The following PCDH15 variants were observed in gnomAD, a reference collection of about 807,000 sequenced individuals.
PCDH15 encodes the protein protocadherin-15.
PCDH15 carries 129 observed loss-of-function variants against 178.5 expected under a neutral mutation model. The observed-to-expected ratio is 0.72, with a 90% CI of 0.63 to 0.84. The LOEUF (loss-of-function observed/expected upper bound fraction) is 0.84, where lower values mean the gene tolerates loss of function less well. PCDH15 is among the 40% of genes least tolerant of loss of function. The pLI, the probability that PCDH15 is intolerant of heterozygous loss-of-function variation, is 0.00. For synonymous variants in PCDH15, 800 were observed against 732.0 expected (o/e 1.09, Z -1.50); for missense variants, 2,230 against 2,099.9 (o/e 1.06, Z -1.21).
intron 17 of PCDH15, among the ~76,000 whole-genome samples, chr10:54,071,015 G>A (rs1169275943): frequency 1.3e-5 from 2 of 152,014 alleles, no homozygotes; most frequent in Non-Finnish European, 2.9e-5. Flanking sequence ...TTTGAAATTC[G>A]TGAGAACATA....
At chr10:55,550,858 A>G (rs1226870492) in intron 2 of PCDH15, among the ~76,000 whole-genome samples, 2 of 152,092 alleles carry the variant, frequency 1.3e-5, no homozygotes, top group African/African-American at 4.8e-5. Flanking sequence ...CCCTCCCAAA[A>G]TATATACCTT....
At chr10:55,567,485 T>C (rs1484020940) in intron 2 of PCDH15, among the ~76,000 whole-genome samples, 2 of 150,858 alleles carry the variant, frequency 1.3e-5, no homozygotes, top group Non-Finnish European at 1.5e-5. Context: ...AAGAAAATTA[T>C]AACTACAGTA....
intron 2 of PCDH15, among the ~76,000 whole-genome samples, chr10:54,620,704 T>C (rs1262006664): frequency 6.6e-6 from 1 of 152,100 alleles, no homozygotes; most frequent in South Asian, 2.1e-4. Flanking sequence ...TAACTTTTAC[T>C]GTAAAACTCT....
chr10:55,417,074 T>C (rs1184050912), intron 2 of PCDH15, among the ~76,000 whole-genome samples: 2 of 151,828 alleles, frequency 1.3e-5, no homozygotes, highest in South Asian at 2.1e-4. Context: ...GAATATTTTT[T>C]AATTGTTTAA....
At chr10:54,144,032 A>C (rs2133211866) in intron 14 of PCDH15, among the ~76,000 whole-genome samples, 1 of 152,108 alleles carries the variant, frequency 6.6e-6, no homozygotes, top group South Asian at 2.1e-4. Context: ...ATGGGCCTGA[A>C]GCTTCTTTTG....
intron 2 of PCDH15, among the ~76,000 whole-genome samples, chr10:55,389,512 T>C (rs1419336171): frequency 6.6e-6 from 1 of 152,124 alleles, no homozygotes; most frequent in African/African-American, 2.4e-5. Flanking sequence ...GAAAATGAAA[T>C]AAGGCAGTCT....
chr10:53,875,981 C>A (rs1179109862), intron 26 of PCDH15, among the ~76,000 whole-genome samples: 1 of 152,252 alleles, frequency 6.6e-6, no homozygotes, highest in East Asian at 1.9e-4. Flanking sequence ...TTAACTTTAG[C>A]TTCTCAATTA....
At chr10:54,509,534 A>T (rs887058351) in intron 3 of PCDH15, among the ~76,000 whole-genome samples, 1 of 152,044 alleles carries the variant, frequency 6.6e-6, no homozygotes, top group Non-Finnish European at 1.5e-5. Flanking sequence ...TTATTATTAC[A>T]TATCTTTCTG....
At chr10:55,518,966 C>T (rs948323915) in intron 2 of PCDH15, among the ~76,000 whole-genome samples, 7 of 151,456 alleles carry the variant, frequency 4.6e-5, no homozygotes, top group African/African-American at 1.2e-4. Context: ...TGGTGTCGTG[C>T]GCCTGTAGTC....
At chr10:54,712,792 G>GA (rs1358574979) in intron 1 of PCDH15, among the ~76,000 whole-genome samples, 2 of 151,936 alleles carry the variant, frequency 1.3e-5, no homozygotes, top group Non-Finnish European at 2.9e-5. Flanking sequence ...ACACTAGAAA[G>GA]AATTAATCAT....
At chr10:54,502,423 C>T (rs2137471822) in intron 3 of PCDH15, among the ~76,000 whole-genome samples, 1 of 152,172 alleles carries the variant, frequency 6.6e-6, no homozygotes, top group Admixed American at 6.6e-5. Flanking sequence ...CAAACTTTCT[C>T]TTGCCTTAGG....
chr10:54,296,332 A>G (rs565862328), intron 8 of PCDH15, among the ~76,000 whole-genome samples: 1 of 151,914 alleles, frequency 6.6e-6, no homozygotes, highest in Non-Finnish European at 1.5e-5. Flanking sequence ...ACAGAGTGGA[A>G]AGCCATTCAG....
intron 2 of PCDH15, among the ~76,000 whole-genome samples, chr10:55,396,339 A>G (rs1286877257): frequency 6.6e-6 from 1 of 152,350 alleles, no homozygotes; most frequent in East Asian, 1.9e-4. Context: ...TCTTAAAAGT[A>G]TATTATCTAT....
At chr10:54,516,184 G>T (rs963381720) in intron 3 of PCDH15, among the ~76,000 whole-genome samples, 1 of 152,170 alleles carries the variant, frequency 6.6e-6, no homozygotes, top group Non-Finnish European at 1.5e-5. Context: ...GGCTTCAGAT[G>T]ATCAAACTAC....
intron 3 of PCDH15, among the ~76,000 whole-genome samples, chr10:54,820,593 T>A (rs139827037): frequency 6.6e-6 from 1 of 152,170 alleles, no homozygotes; most frequent in East Asian, 1.9e-4. Flanking sequence ...TAAAGGAAAC[T>A]ATCATTTACG....
At chr10:54,839,897 C>G (rs1376531346) in intron 3 of PCDH15, among the ~76,000 whole-genome samples, 1 of 151,726 alleles carries the variant, frequency 6.6e-6, no homozygotes, top group Non-Finnish European at 1.5e-5. Context: ...TCTTGCCAAC[C>G]AACATTATAC....
Position 54,183,463 on chromosome 10 carries a change from G to A in PCDH15, c.1571C>T (p.Pro524Leu), listed in dbSNP as rs1376004364. The A allele has an allele frequency of 3.1e-6, 5 of 1,613,160 alleles. No homozygotes were observed. The highest frequency in any genetic ancestry group is 4.2e-6 in the Non-Finnish European group (5 of 1,179,236). The change falls in exon 13 of 38, where the codon CCT becomes CTT. Residue 524 changes from proline (P) to leucine (L), a missense_variant. By Grantham distance (98) the Pro-to-Leu change is moderately conservative. Transcript: ENST00000644397. ...YDVYVYTDMRPGDSVIQLTAV... is the reference protein window; with the variant it reads ...YDVYVYTDMRLGDSVIQLTAV... Reference sequence around the variant, plus strand: ...AGTTACCTGTATGACACTGTCCCCAGGTCTCATGTCTGTATAAACATACAC... The same window carrying A: ...AGTTACCTGTATGACACTGTCCCCAAGTCTCATGTCTGTATAAACATACAC...
chr10:54,587,408 T>C (rs1040308090), intron 2 of PCDH15, among the ~76,000 whole-genome samples: 1 of 152,162 alleles, frequency 6.6e-6, no homozygotes, highest in African/African-American at 2.4e-5. Context: ...CTGAGGAACT[T>C]AAGCTTTGCA....
At chr10:55,610,926 C>T (rs1416793362) in intron 2 of PCDH15, among the ~76,000 whole-genome samples, 2 of 152,022 alleles carry the variant, frequency 1.3e-5, no homozygotes, top group Non-Finnish European at 2.9e-5. Flanking sequence ...TATACCTAAG[C>T]ACTTCATGCA....
Sources: allele counts gnomAD v4.1 joint callset (sites outside exome capture counted in the v4.1 genomes callset), GRCh38; gene constraint gnomAD v4.1.1; transcripts MANE v1.5; gene names NCBI Gene and HGNC (gene_info 2026-07-23, HGNC 2026-07-21).